The following CAPZA1 variants were observed in gnomAD, a reference collection of about 807,000 sequenced individuals.
The protein encoded by CAPZA1 is capping actin protein of muscle Z-line subunit alpha 1.
A neutral mutation model predicts 40.8 loss-of-function variants in CAPZA1; 10 were observed. The ratio of observed to expected loss-of-function variants is 0.25; its 90% CI spans 0.15 to 0.42. CAPZA1 has a LOEUF of 0.42. Ranked by LOEUF, CAPZA1 falls within the 10% of genes least tolerant of loss-of-function variation. The probability of loss-of-function intolerance (pLI) is 1.00; values close to 1 mark genes in which losing one functional copy is unlikely to be tolerated. For synonymous variants in CAPZA1, 98 were observed against 115.0 expected (o/e 0.85, Z 0.95); for missense variants, 277 against 353.8 (o/e 0.78, Z 1.74).
At chr1:112,662,208 A>G (rs549880896) in intron 7 of CAPZA1, among the ~76,000 whole-genome samples, 1 of 152,082 alleles carries the variant, frequency 6.6e-6, no homozygotes, top group South Asian at 2.1e-4. Context: ...CTCCTCAACT[A>G]AATGATCCTC....
At chr1:112,654,413 G>T (rs1671457641) in intron 4 of CAPZA1, 52 bp from the exon 5 acceptor site, 1 of 1,187,594 alleles carries the variant, frequency 8.4e-7, no homozygotes, top group African/African-American at 1.5e-5. Flanking sequence ...ATAAAAGGCA[G>T]TAAGAATTGT....
In CAPZA1 at chr1:112,634,436, G is replaced by C. The variant is rs569948377; in HGVS notation, c.40-12774G>C. ...AGTAAAAAGTTGTGTAGTTATTGGT[G>C]GGGATTATTATGATGGCAATGATAG... On this transcript the variant is annotated intron_variant, in intron 1 of 9. Transcript: ENST00000263168. Among the ~76,000 whole-genome samples, 5 of 152,218 alleles carry C rather than the reference G, an allele frequency of 3.3e-5. No homozygotes were observed. The East Asian group carries it at 7.7e-4, about 23-fold the overall frequency.
At chr1:112,667,676 G>A (rs1240733625) in intron 8 of CAPZA1, among the ~76,000 whole-genome samples, 3 of 152,068 alleles carry the variant, frequency 2.0e-5, no homozygotes, top group Admixed American at 1.3e-4. Context: ...TGGGACCACA[G>A]GTGCATGCCA....
At chr1:112,661,933 G>A (rs766065353) in intron 7 of CAPZA1, among the ~76,000 whole-genome samples, 9 of 152,180 alleles carry the variant, frequency 5.9e-5, no homozygotes, top group Admixed American at 1.3e-4. Flanking sequence ...TGGAAAAGTC[G>A]TTAAGATATT....
chr1:112,655,966 AT>A (rs1190093676), intron 5 of CAPZA1, among the ~76,000 whole-genome samples: 3 of 151,748 alleles, frequency 2.0e-5, no homozygotes, highest in Non-Finnish European at 3.0e-5. Context: ...TGATTAGAAT[AT>A]TTTTTATTTT....
chr1:112,635,637 CT>C (rs1279664725), intron 1 of CAPZA1, among the ~76,000 whole-genome samples: 3 of 151,942 alleles, frequency 2.0e-5, no homozygotes, highest in Non-Finnish European at 2.9e-5. Context: ...GGGTTTCCCC[CT>C]GTTAGCCAGC....
chr1:112,622,692 C>T (rs1285323647), intron 1 of CAPZA1, among the ~76,000 whole-genome samples: 1 of 152,046 alleles, frequency 6.6e-6, no homozygotes, highest in Admixed American at 6.6e-5. Context: ...TCAGTTTAGA[C>T]AATGCTTTCA....
chr1:112,669,958 G>T (rs766960017), intron 9 of CAPZA1, 34 bp from the exon 10 acceptor site: 1 of 1,612,864 alleles, frequency 6.2e-7, no homozygotes, highest in South Asian at 1.1e-5. Flanking sequence ...CCCCATTTCT[G>T]TTCAAGCAAC....
chr1:112,660,388 C>A (rs896492657), intron 7 of CAPZA1, among the ~76,000 whole-genome samples: 1 of 152,200 alleles, frequency 6.6e-6, no homozygotes, highest in Non-Finnish European at 1.5e-5. Flanking sequence ...TCAGGTGATT[C>A]TCCTGCCTCG....
chr1:112,632,343 T>C lies in CAPZA1; in HGVS notation c.39+12460T>C, dbSNP rs145716023. Among the ~76,000 whole-genome samples, 464 of 152,136 alleles carry C rather than the reference T, an allele frequency of 3.0e-3. 4 individuals carry two copies. Among genetic ancestry groups the C allele is most frequent in the African/African-American group, 0.011 (436 of 41,516 alleles). On this transcript the variant is annotated intron_variant, in intron 1 of 9. Transcript: ENST00000263168. ...TTACAATAGGGGAGAAAAATCAGGC[T>C]CAACTCCTAATACAGTAAAGACAGC...
At chr1:112,623,694 AAAG>A (rs1670731940) in intron 1 of CAPZA1, among the ~76,000 whole-genome samples, 1 of 149,718 alleles carries the variant, frequency 6.7e-6, no homozygotes, top group Admixed American at 6.6e-5. Flanking sequence ...AAAAAAAAAA[AAAG>A]AAAAGAAAGC....
intron 1 of CAPZA1, among the ~76,000 whole-genome samples, chr1:112,632,726 T>C (rs1411628328): frequency 6.6e-6 from 1 of 152,224 alleles, no homozygotes; most frequent in African/African-American, 2.4e-5. Context: ...CCCTAGAGTT[T>C]GTAGAATGTT....
At chr1:112,662,389 A>ATTTTT (rs1307324033) in intron 7 of CAPZA1, among the ~76,000 whole-genome samples, 1 of 110,622 alleles carries the variant, frequency 9.0e-6, no homozygotes, top group Non-Finnish European at 2.0e-5. Context: ...ATTTTTTAGA[A>ATTTTT]TTTTTCTTTT....
chr1:112,645,730 C>A (rs1671266017), intron 1 of CAPZA1, among the ~76,000 whole-genome samples: 1 of 113,936 alleles, frequency 8.8e-6, no homozygotes, highest in African/African-American at 4.2e-5. Flanking sequence ...TACATACTTG[C>A]CAGTGCAAAA....
intron 8 of CAPZA1, among the ~76,000 whole-genome samples, chr1:112,667,517 TG>T (rs1671746503): frequency 6.6e-6 from 1 of 152,142 alleles, no homozygotes; most frequent in South Asian, 2.1e-4. Flanking sequence ...TCAATTAGAA[TG>T]TTTTGTGGTT....
intron 1 of CAPZA1, among the ~76,000 whole-genome samples, chr1:112,640,470 C>T (rs1570709602): frequency 7.4e-6 from 1 of 134,592 alleles, no homozygotes; most frequent in East Asian, 2.3e-4. Context: ...CAGCCAGCCG[C>T]CCAGTCCGGG....
At chr1:112,667,378 C>T (rs978500405) in intron 8 of CAPZA1, among the ~76,000 whole-genome samples, 1 of 152,194 alleles carries the variant, frequency 6.6e-6, no homozygotes, top group Non-Finnish European at 1.5e-5. Flanking sequence ...GTCGCTCTCT[C>T]AATTGTAATA....
At chr1:112,646,451 C>T (rs1570714229) in intron 1 of CAPZA1, among the ~76,000 whole-genome samples, 1 of 152,306 alleles carries the variant, frequency 6.6e-6, no homozygotes, top group Admixed American at 6.5e-5. Flanking sequence ...GTGGCACATG[C>T]CTGTGGCCCC....
At chr1:112,623,079 G>C (rs537116733) in intron 1 of CAPZA1, among the ~76,000 whole-genome samples, 2 of 151,980 alleles carry the variant, frequency 1.3e-5, no homozygotes, top group Admixed American at 1.3e-4. Context: ...TAGAGACAGG[G>C]TTTCAATATG....
Sources: gnomAD v4.1 joint callset for allele counts (sites outside exome capture counted in the v4.1 genomes callset) on GRCh38, gnomAD v4.1.1 for gene constraint, MANE v1.5 for transcripts, NCBI Gene and HGNC (gene_info 2026-07-23, HGNC 2026-07-21) for gene names.